CLYBL: variants seen among roughly 807,000 people sequenced by gnomAD.
The protein encoded by CLYBL is citramalyl-CoA lyase.
A neutral mutation model predicts 38.9 loss-of-function variants in CLYBL; 31 were observed. The observed-to-expected ratio is 0.80, with a 90% CI of 0.60 to 1.08. The LOEUF (loss-of-function observed/expected upper bound fraction) is 1.08, where lower values mean the gene tolerates loss of function less well. Ranked by LOEUF, CLYBL falls within the 50% of genes least tolerant of loss-of-function variation. The pLI, the probability that CLYBL is intolerant of heterozygous loss-of-function variation, is 0.00. For missense variants in CLYBL, 434 were observed against 411.6 expected (o/e 1.05, Z -0.47); for synonymous variants, 171 against 158.6 (o/e 1.08, Z -0.59).
At chr13:99,709,849 CTG>C (rs2048200203) in intron 1 of CLYBL, among the ~76,000 whole-genome samples, 1 of 150,584 alleles carries the variant, frequency 6.6e-6, no homozygotes, top group Non-Finnish European at 1.5e-5. Context: ...AGGAAAGAGC[CTG>C]TTGGGGAGAG....
intron 1 of CLYBL, among the ~76,000 whole-genome samples, chr13:99,617,033 A>G: frequency 6.6e-6 from 1 of 152,158 alleles, no homozygotes; most frequent in East Asian, 1.9e-4. Context: ...TTCTATTTTA[A>G]TAGAATACTT....
intron 2 of CLYBL, among the ~76,000 whole-genome samples, chr13:99,778,272 A>G (rs189807026): frequency 6.6e-6 from 1 of 152,232 alleles, no homozygotes; most frequent in East Asian, 1.9e-4. Flanking sequence ...TATTCTCTTG[A>G]TGGAGGACAT....
At chr13:99,609,503 C>T (rs562911470) in intron 1 of CLYBL, among the ~76,000 whole-genome samples, 5 of 152,052 alleles carry the variant, frequency 3.3e-5, no homozygotes, top group Admixed American at 2.0e-4. Context: ...CTGATTGCTC[C>T]GTCTTCCAAC....
intron 3 of CLYBL, 28 bp downstream of exon 3, chr13:99,859,077 C>A: frequency 6.3e-7 from 1 of 1,581,216 alleles, no homozygotes; most frequent in Non-Finnish European, 8.6e-7. Flanking sequence ...TGCCTTAAGA[C>A]TCAGGAGCAG....
intron 1 of CLYBL, among the ~76,000 whole-genome samples, chr13:99,736,730 C>T (rs1295091458): frequency 6.6e-6 from 1 of 152,174 alleles, no homozygotes; most frequent in African/African-American, 2.4e-5. Context: ...CACTGTCACT[C>T]CTCTGAGAAC....
chr13:99,905,805 G>A (rs28642354), intron 9 of CLYBL, among the ~76,000 whole-genome samples: 8,659 of 150,522 alleles, frequency 0.058, 416 homozygotes, highest in South Asian at 0.15. Flanking sequence ...TCTGTCTGTC[G>A]CCCAGACTGG....
chr13:99,880,052 A>ATG (rs2052157153), intron 7 of CLYBL, among the ~76,000 whole-genome samples: 1 of 48,722 alleles, frequency 2.1e-5, no homozygotes, highest in Admixed American at 2.4e-4. Flanking sequence ...GTGTGTATGT[A>ATG]TATATATATA....
intron 2 of CLYBL, among the ~76,000 whole-genome samples, chr13:99,793,809 AATGTG>A (rs2049967491): frequency 6.6e-6 from 1 of 151,954 alleles, no homozygotes; most frequent in Non-Finnish European, 1.5e-5. Flanking sequence ...TATGATCTAT[AATGTG>A]ATATATCTGG....
chr13:99,716,395 C>CTTTTCTTTTCT (rs1555293181), intron 1 of CLYBL, among the ~76,000 whole-genome samples: 1 of 135,252 alleles, frequency 7.4e-6, no homozygotes, highest in African/African-American at 2.7e-5. Context: ...CTTTTCTTTT[C>CTTTTCTTTTCT]TTTTTTTTTT....
chr13:99,795,860 G>C (rs2050012014), intron 2 of CLYBL, among the ~76,000 whole-genome samples: 1 of 152,174 alleles, frequency 6.6e-6, no homozygotes, highest in Admixed American at 6.5e-5. Flanking sequence ...TAGGCATTCT[G>C]CTGAGCATTT....
intron 2 of CLYBL, among the ~76,000 whole-genome samples, chr13:99,830,944 A>C (rs2050791891): frequency 6.6e-6 from 1 of 151,830 alleles, no homozygotes; most frequent in South Asian, 2.1e-4. Context: ...GGGTGGGCCC[A>C]AAATCCAATG....
chr13:99,817,670 A>AG lies in CLYBL; in HGVS notation c.250-41191_250-41190insG, dbSNP rs1246253836. 1.1e-3 allele frequency among the ~76,000 whole-genome samples: 162 copies of AG among 142,326 alleles called. 3 individuals carry two copies. Among genetic ancestry groups the AG allele is most frequent in the Middle Eastern group, 3.9e-3 (1 of 258 alleles). The allele number at this position is 142,326 out of a possible 152,430, so 93.4% of individuals were successfully genotyped here. On this transcript the variant is annotated intron_variant, in intron 2 of 8. Coordinates refer to ENST00000339105, the MANE Select transcript of CLYBL (RefSeq NM_206808.5). ...ACTCTGTCTCAAAAAAAAAAAAAAA[A>AG]AAAGAAAAGAAAAAAGAAAAGCACT...
At chr13:99,744,648 T>C (rs531638369) in intron 1 of CLYBL, among the ~76,000 whole-genome samples, 1 of 152,260 alleles carries the variant, frequency 6.6e-6, no homozygotes, top group Non-Finnish European at 1.5e-5. Context: ...TTCAGAGAGA[T>C]AGATGGCGAT....
intron 1 of CLYBL, among the ~76,000 whole-genome samples, chr13:99,725,290 C>T (rs139947060): frequency 5.9e-5 from 9 of 152,164 alleles, no homozygotes; most frequent in East Asian, 1.9e-4. Context: ...TAATACCGTG[C>T]GGTTTTTTTA....
rs187262054 is a variant in CLYBL, at chr13:99,857,656, A to C, written c.250-1205A>C. On this transcript the variant is annotated intron_variant, in intron 2 of 8. Coordinates refer to ENST00000339105, the MANE Select transcript of CLYBL (RefSeq NM_206808.5). The stretch of plus-strand genomic sequence containing the variant: ...AAGCATTCCTTGCTTCTCCCCGCTC[A>C]TAGACCCACATCTGTCTGGTTTAAA... 2.0e-5 allele frequency among the ~76,000 whole-genome samples: 3 copies of C among 152,310 alleles called. No homozygotes were observed. The East Asian group carries it at 5.8e-4, about 29-fold the overall frequency.
At chr13:99,848,469 C>A (rs2051258079) in intron 2 of CLYBL, among the ~76,000 whole-genome samples, 1 of 152,182 alleles carries the variant, frequency 6.6e-6, no homozygotes, top group Non-Finnish European at 1.5e-5. Context: ...GCATGGTATT[C>A]AGGAAGTTTT....
intron 1 of CLYBL, among the ~76,000 whole-genome samples, chr13:99,697,232 G>C (rs77165067): frequency 1.3e-5 from 2 of 152,262 alleles, no homozygotes; most frequent in East Asian, 1.9e-4. Flanking sequence ...AATTGTAAAG[G>C]GGTGTGCAGA....
intron 1 of CLYBL, among the ~76,000 whole-genome samples, chr13:99,706,735 G>A (rs1012387107): frequency 2.0e-5 from 3 of 152,184 alleles, no homozygotes; most frequent in African/African-American, 4.8e-5. Context: ...TTCTTCAGCC[G>A]AGCTCCAGAA....
chr13:99,761,811 C>T (rs1383323123), intron 1 of CLYBL, among the ~76,000 whole-genome samples: 2 of 152,196 alleles, frequency 1.3e-5, no homozygotes, highest in African/African-American at 4.8e-5. Flanking sequence ...TCCCTTTTCT[C>T]CACATCCTCA....
Sources: allele counts gnomAD v4.1 joint callset (sites outside exome capture counted in the v4.1 genomes callset), GRCh38; gene constraint gnomAD v4.1.1; transcripts MANE v1.5; gene names NCBI Gene and HGNC (gene_info 2026-07-23, HGNC 2026-07-21).